The following MITF variants were observed in gnomAD, a reference collection of about 807,000 sequenced individuals.
MITF encodes microphthalmia-associated transcription factor.
Under a neutral mutation model 60.5 loss-of-function variants are expected in MITF, and 17 were observed. The observed-to-expected ratio is 0.28, with a 90% CI of 0.19 to 0.42. MITF has a LOEUF of 0.42. Among genes scored for constraint, MITF ranks in the 10% least tolerant of loss-of-function variants. The probability of loss-of-function intolerance (pLI) is 1.00; values close to 1 mark genes in which losing one functional copy is unlikely to be tolerated. For synonymous variants in MITF, 260 were observed against 248.5 expected, an observed-to-expected ratio of 1.05 and a Z score of -0.43; for missense variants, 622 against 683.5, an observed-to-expected ratio of 0.91 and a Z score of 1.00.
intron 1 of MITF, among the ~76,000 whole-genome samples, chr3:69,829,904 G>T (rs1350581794): frequency 6.6e-6 from 1 of 152,148 alleles, no homozygotes; most frequent in Non-Finnish European, 1.5e-5. Flanking sequence ...GATGACAGTG[G>T]GTTGAGAGGA....
chr3:69,776,168 A>G (rs571204572), intron 1 of MITF, among the ~76,000 whole-genome samples: 45 of 152,340 alleles, frequency 3.0e-4, no homozygotes, highest in South Asian at 2.1e-3. Flanking sequence ...CCAATGTGGC[A>G]CTTGTAAACT....
rs1400889667 is a variant in MITF, at chr3:69,802,772, A to ACG, written c.104+63071_104+63072insCG. Among the ~76,000 whole-genome samples, 527 of 140,010 alleles carry ACG rather than the reference A, an allele frequency of 3.8e-3. 6 individuals are homozygous for ACG. The highest frequency in any genetic ancestry group is 0.013 in the African/African-American group (488 of 36,856). 91.9% of individuals were successfully genotyped at this position (140,010 alleles called of 152,430 possible). On this transcript the variant is annotated intron_variant, in intron 1 of 9. Coordinates refer to ENST00000352241, the MANE Select transcript of MITF (RefSeq NM_001354604.2). ...AATGGTGTGATCTCGGCTTACTGCA[A>ACG]TCTCCGCCTCCTAGGTTCCAGTGAT...
intron 2 of MITF, among the ~76,000 whole-genome samples, chr3:69,884,653 A>G (rs917691807): frequency 2.0e-5 from 3 of 152,192 alleles, no homozygotes; most frequent in African/African-American, 7.2e-5. Flanking sequence ...AAAGTGCTCC[A>G]TAGAGTTGTC....
At chr3:69,946,610 T>C (rs1332154606) in intron 5 of MITF, among the ~76,000 whole-genome samples, 1 of 152,164 alleles carries the variant, frequency 6.6e-6, no homozygotes, top group Non-Finnish European at 1.5e-5. Flanking sequence ...AAAAATGAGA[T>C]GACCCCCAGC....
At chr3:69,820,143 A>G (rs900656095) in intron 1 of MITF, among the ~76,000 whole-genome samples, 1 of 152,224 alleles carries the variant, frequency 6.6e-6, no homozygotes, top group Non-Finnish European at 1.5e-5. Flanking sequence ...CTTGTTAACA[A>G]TTTTTAATAT....
intron 1 of MITF, among the ~76,000 whole-genome samples, chr3:69,814,525 C>A (rs148951224): frequency 1.3e-5 from 2 of 152,026 alleles, no homozygotes; most frequent in African/African-American, 4.8e-5. Flanking sequence ...AACGGAGTCT[C>A]CCTGTGTTGC....
At chr3:69,959,844 A>G (rs2066496394) in intron 9 of MITF, among the ~76,000 whole-genome samples, 1 of 152,252 alleles carries the variant, frequency 6.6e-6, no homozygotes, top group Non-Finnish European at 1.5e-5. Context: ...AGCACTGTCT[A>G]GAGTTCCTGA....
At chr3:69,823,112 C>G (rs2063302146) in intron 1 of MITF, among the ~76,000 whole-genome samples, 1 of 152,140 alleles carries the variant, frequency 6.6e-6, no homozygotes. Flanking sequence ...CTCCTGACCT[C>G]AGGTGATCTG....
intron 1 of MITF, chr3:69,866,150 CCGTTCT>C: frequency 1.4e-6 from 2 of 1,470,402 alleles, no homozygotes; most frequent in Non-Finnish European, 1.8e-6. Context: ...AAACCAGGCA[CCGTTCT>C]AGCACAGAGC....
At chr3:69,751,190 C>T (rs1011159006) in intron 1 of MITF, among the ~76,000 whole-genome samples, 5 of 152,222 alleles carry the variant, frequency 3.3e-5, no homozygotes, top group African/African-American at 1.2e-4. Context: ...CATGACCAAA[C>T]TGTTTTTCAC....
chr3:69,741,510 T>C (rs1703528415), intron 1 of MITF, among the ~76,000 whole-genome samples: 1 of 152,174 alleles, frequency 6.6e-6, no homozygotes. Flanking sequence ...GATTTGGGCC[T>C]GTTCTTTTTC....
chr3:69,967,570 T>C lies in MITF; in HGVS notation c.*2322T>C, dbSNP rs148782031. On this transcript the variant is annotated 3_prime_UTR_variant, in exon 10 of 10. Transcript: ENST00000352241. ...TAGAAAGCTTTGTTGAAAGAAAGTA[T>C]GGCATCTTGTACCACTGCCCTGACT... is the stretch of plus-strand genomic sequence containing the variant. The C allele has an allele frequency of 3.8e-3, 882 of 233,494 alleles. 8 individuals carry two copies. The highest frequency in any genetic ancestry group is 0.019 in the African/African-American group (843 of 45,432). The allele number at this position is 233,494 out of a possible 1,614,324, so 14.5% of individuals were successfully genotyped here. A position where few individuals can be genotyped will look rare whatever the true frequency, so the allele number is the denominator to read the frequency against.
chr3:69,795,722 T>A (rs1294366850), intron 1 of MITF, among the ~76,000 whole-genome samples: 1 of 152,150 alleles, frequency 6.6e-6, no homozygotes, highest in African/African-American at 2.4e-5. Context: ...TGAAACCGTG[T>A]TTCAGAAAAT....
chr3:69,870,414 A>G (rs548986144), intron 1 of MITF, among the ~76,000 whole-genome samples: 2 of 148,522 alleles, frequency 1.3e-5, no homozygotes, highest in East Asian at 2.0e-4. Flanking sequence ...GTGTATATAT[A>G]TATGTGTGTG....
chr3:69,943,144 A>G (rs1429405484), intron 5 of MITF, among the ~76,000 whole-genome samples: 1 of 148,072 alleles, frequency 6.8e-6, no homozygotes, highest in Non-Finnish European at 1.5e-5. Context: ...TCCTGGGCTC[A>G]AGTGATCTTC....
At chr3:69,844,233 A>G (rs9881320) in intron 1 of MITF, among the ~76,000 whole-genome samples, 75,654 of 152,020 alleles carry the variant, frequency 0.5, 20,515 homozygotes, top group Non-Finnish European at 0.63. Context: ...TAGTAGAACT[A>G]TAGTAACCAA....
chr3:69,777,585 AG>A (rs1179769432), intron 1 of MITF, among the ~76,000 whole-genome samples: 3 of 152,158 alleles, frequency 2.0e-5, no homozygotes, highest in Non-Finnish European at 2.9e-5. Flanking sequence ...TGCACTGAGA[AG>A]TCAGGTGTGC....
At chr3:69,953,658 T>G (rs1443318816) in intron 7 of MITF, among the ~76,000 whole-genome samples, 37 of 137,628 alleles carry the variant, frequency 2.7e-4, no homozygotes, top group African/African-American at 6.0e-4. Flanking sequence ...TATATATATA[T>G]ATATAGAGAG....
chr3:69,950,360 G>T (rs1415866472), intron 6 of MITF, among the ~76,000 whole-genome samples: 1 of 150,748 alleles, frequency 6.6e-6, no homozygotes, highest in Non-Finnish European at 1.5e-5. Flanking sequence ...GAAGTGGAGG[G>T]TATGTAAGTC....
Sources: gnomAD v4.1 joint callset for allele counts (sites outside exome capture counted in the v4.1 genomes callset) on GRCh38, gnomAD v4.1.1 for gene constraint, MANE v1.5 for transcripts, NCBI Gene and HGNC (gene_info 2026-07-23, HGNC 2026-07-21) for gene names.